Variants in C10orf90 observed in about 807,000 individuals in gnomAD.
C10orf90 encodes (E2-independent) E3 ubiquitin-conjugating enzyme FATS.
In C10orf90, 56 loss-of-function variants were observed where a neutral mutation model predicts 62.5. The ratio of observed to expected loss-of-function variants is 0.90; its 90% CI spans 0.72 to 1.12. The LOEUF (loss-of-function observed/expected upper bound fraction) is 1.12. Among genes scored for constraint, C10orf90 ranks in the 50% most tolerant of loss-of-function variants. The pLI is 0.00. For missense variants in C10orf90, 970 were observed against 880.4 expected (o/e 1.10, Z -1.29); for synonymous variants, 386 against 340.4 (o/e 1.13, Z -1.47).
chr10:126,449,731 G>C (rs1859044661), intron 7 of C10orf90, among the ~76,000 whole-genome samples: 1 of 152,132 alleles, frequency 6.6e-6, no homozygotes, highest in South Asian at 2.1e-4. Context: ...AGGCGCGATG[G>C]CTCATGCCTG....
At chr10:126,633,547 C>T (rs569398931) in intron 2 of C10orf90, among the ~76,000 whole-genome samples, 212 of 152,312 alleles carry the variant, frequency 1.4e-3, no homozygotes, top group Middle Eastern at 0.01. Flanking sequence ...TAGGATGAGG[C>T]TGCAGGAATA....
At chr10:126,479,655 G>A (rs951346629) in intron 4 of C10orf90, among the ~76,000 whole-genome samples, 4 of 152,184 alleles carry the variant, frequency 2.6e-5, no homozygotes, top group Admixed American at 6.5e-5. Flanking sequence ...ACACATGGGG[G>A]TTATTCTTTT....
At chr10:126,426,180 C>T (rs548158879) in intron 8 of C10orf90, 90 bp from the exon 9 acceptor site, 6 of 1,057,618 alleles carry the variant, frequency 5.7e-6, no homozygotes, top group Non-Finnish European at 8.6e-6. Context: ...CAGGCTCTTA[C>T]ATTTCAAAGA....
At chr10:126,452,179 C>T (rs1400051845) in intron 7 of C10orf90, among the ~76,000 whole-genome samples, 3 of 151,852 alleles carry the variant, frequency 2.0e-5, no homozygotes, top group Non-Finnish European at 4.4e-5. Context: ...TCATTCAGCA[C>T]AAATATATAC....
intron 7 of C10orf90, among the ~76,000 whole-genome samples, chr10:126,443,204 T>C (rs1449694224): frequency 6.6e-6 from 1 of 151,552 alleles, no homozygotes; most frequent in Non-Finnish European, 1.5e-5. Context: ...CATACACAAA[T>C]ACAAAAGATA....
intron 2 of C10orf90, among the ~76,000 whole-genome samples, chr10:126,643,452 G>A (rs1846105143): frequency 6.6e-6 from 1 of 152,178 alleles, no homozygotes; most frequent in Non-Finnish European, 1.5e-5. Flanking sequence ...TGAGATACAT[G>A]CCTGGCCCAC....
chr10:126,531,897 T>C (rs1358766812), intron 2 of C10orf90, among the ~76,000 whole-genome samples: 2 of 152,168 alleles, frequency 1.3e-5, no homozygotes, highest in East Asian at 3.9e-4. Flanking sequence ...AGGACAGATA[T>C]CCAGGATGTA....
At chr10:126,641,078 A>G (rs1846049498) in intron 2 of C10orf90, among the ~76,000 whole-genome samples, 1 of 152,212 alleles carries the variant, frequency 6.6e-6, no homozygotes, top group South Asian at 2.1e-4. Context: ...TTTCAGGGAA[A>G]GTAAACAGAT....
intron 2 of C10orf90, among the ~76,000 whole-genome samples, chr10:126,585,459 G>GGGAGGGAGAGAGGGAAAGAGGAAA (rs1372730445): frequency 6.8e-6 from 1 of 147,680 alleles, no homozygotes; most frequent in African/African-American, 2.5e-5. Flanking sequence ...GAGGGAAGAA[G>GGGAGGGAGAGAGGGAAAGAGGAAA]GAAGGAAAGG....
intron 2 of C10orf90, among the ~76,000 whole-genome samples, chr10:126,596,648 G>T (rs1025700616): frequency 2.0e-5 from 3 of 152,182 alleles, no homozygotes; most frequent in African/African-American, 7.2e-5. Context: ...AGAGTCATCT[G>T]ACACAAAGCC....
chr10:126,474,024 T>C (rs2133777438), intron 4 of C10orf90, among the ~76,000 whole-genome samples: 1 of 152,252 alleles, frequency 6.6e-6, no homozygotes, highest in African/African-American at 2.4e-5. Flanking sequence ...AAAAATGTGG[T>C]ACACCAACCA....
intron 3 of C10orf90, among the ~76,000 whole-genome samples, chr10:126,506,754 T>G (rs1591035154): frequency 6.6e-6 from 1 of 152,320 alleles, no homozygotes; most frequent in African/African-American, 2.4e-5. Flanking sequence ...GAAGGGCCTA[T>G]GTGTGTTGGA....
At chr10:126,597,103 G>A (rs1331966254) in intron 2 of C10orf90, among the ~76,000 whole-genome samples, 1 of 152,204 alleles carries the variant, frequency 6.6e-6, no homozygotes, top group Non-Finnish European at 1.5e-5. Context: ...TTGCTGTTGG[G>A]AATGTGAAGT....
At chr10:126,431,520 A>T (rs1857566130) in intron 7 of C10orf90, among the ~76,000 whole-genome samples, 1 of 152,168 alleles carries the variant, frequency 6.6e-6, no homozygotes, top group Admixed American at 6.5e-5. Flanking sequence ...GAAAAAAGGA[A>T]ATGTCAGCTT....
At chr10:126,644,920 A>G (rs1158059943) in intron 2 of C10orf90, among the ~76,000 whole-genome samples, 1 of 152,232 alleles carries the variant, frequency 6.6e-6, no homozygotes, top group East Asian at 1.9e-4. Context: ...AAATGGATTC[A>G]TGTTCTCACT....
chr10:126,456,980 T>C lies in C10orf90; in HGVS notation c.2188+2060A>G, dbSNP rs1200044131. The stretch of plus-strand genomic sequence containing the variant: ...GTTTCTGGGCTTGTTTTGTTTTTGT[T>C]TTTGCTTTTGTATTTTGCTTTTTCT... On this transcript the variant is annotated intron_variant, in intron 7 of 9. Transcript: ENST00000488181. The surrounding 1 kb of genome is among the most constrained non-coding windows in gnomAD (Gnocchi z 4.9). Among the ~76,000 whole-genome samples the C allele has an allele frequency of 6.6e-6, 1 of 151,986 alleles. No individual in the cohort carries two copies. Among genetic ancestry groups the C allele is most frequent in the Non-Finnish European group, 1.5e-5 (1 of 68,010 alleles).
intron 4 of C10orf90, among the ~76,000 whole-genome samples, chr10:126,494,507 A>C (rs1192232752): frequency 6.6e-6 from 1 of 152,100 alleles, no homozygotes; most frequent in Non-Finnish European, 1.5e-5. Flanking sequence ...AAAAGAAAGA[A>C]TTTAGATTTT....
intron 7 of C10orf90, among the ~76,000 whole-genome samples, chr10:126,437,662 T>A (rs1352424648): frequency 2.0e-5 from 3 of 152,188 alleles, no homozygotes; most frequent in African/African-American, 7.2e-5. Flanking sequence ...GGACATATGG[T>A]ATTTGGGACA....
chr10:126,654,502 C>T (rs1190430998), intron 1 of C10orf90, among the ~76,000 whole-genome samples: 3 of 152,336 alleles, frequency 2.0e-5, no homozygotes, highest in African/African-American at 7.2e-5. Flanking sequence ...CTGGATTAGG[C>T]CTTGGCTTAG....
Sources: gnomAD v4.1 joint callset for allele counts (sites outside exome capture counted in the v4.1 genomes callset) on GRCh38, gnomAD v4.1.1 for gene constraint, Gnocchi (gnomAD v3.1) non-coding constraint, MANE v1.5 for transcripts, NCBI Gene and HGNC (gene_info 2026-07-23, HGNC 2026-07-21) for gene names.